EZR: variants seen among roughly 807,000 people sequenced by gnomAD.
EZR encodes the protein ezrin.
In EZR, 40 loss-of-function variants were observed where a neutral mutation model predicts 74.8. The ratio of observed to expected loss-of-function variants is 0.53; its 90% CI spans 0.42 to 0.70. EZR has a LOEUF of 0.70. EZR is among the 30% of genes least tolerant of loss of function. The pLI is 0.00. For missense variants in EZR, 678 were observed against 755.8 expected (o/e 0.90, Z 1.21); for synonymous variants, 341 against 283.3 (o/e 1.20, Z -2.05).
intron 2 of EZR, among the ~76,000 whole-genome samples, chr6:158,799,683 GT>G (rs1319806110): frequency 6.6e-6 from 1 of 152,256 alleles, no homozygotes; most frequent in Non-Finnish European, 1.5e-5. Context: ...GCCAAGCTCT[GT>G]AAAACATTAC....
At chr6:158,768,049 G>A (rs1251331983) in intron 12 of EZR, among the ~76,000 whole-genome samples, 1 of 151,876 alleles carries the variant, frequency 6.6e-6, no homozygotes, top group African/African-American at 2.4e-5. Flanking sequence ...TTGGGATGGT[G>A]ATATGGCTGT....
intron 2 of EZR, among the ~76,000 whole-genome samples, chr6:158,803,581 ACATATATATATATAT>A (rs1777251449): frequency 4.8e-5 from 2 of 41,272 alleles, no homozygotes; most frequent in Non-Finnish European, 7.7e-5. Flanking sequence ...ATATATATAT[ACATATATATATATAT>A]ATATATATAC....
chr6:158,789,701 A>G (rs746958732), intron 2 of EZR, among the ~76,000 whole-genome samples: 10 of 152,324 alleles, frequency 6.6e-5, no homozygotes, highest in Non-Finnish European at 8.8e-5. Context: ...CTCACTAGTC[A>G]TGATCTCCCA....
At chr6:158,775,033 C>CTT (rs1791230805) in intron 8 of EZR, among the ~76,000 whole-genome samples, 1 of 92,914 alleles carries the variant, frequency 1.1e-5, no homozygotes, top group Non-Finnish European at 2.3e-5. Context: ...CAGCAGGAGC[C>CTT]CTTTTTTTTT....
At chr6:158,792,866 T>G (rs1791782019) in intron 2 of EZR, among the ~76,000 whole-genome samples, 1 of 149,224 alleles carries the variant, frequency 6.7e-6, no homozygotes, top group South Asian at 2.1e-4. Context: ...TCAACAAATC[T>G]ACACCTCCTA....
chr6:158,773,050 C>T (rs1301566825), intron 8 of EZR, among the ~76,000 whole-genome samples: 1 of 152,124 alleles, frequency 6.6e-6, no homozygotes, highest in African/African-American at 2.4e-5. Context: ...GAGCTGGGAG[C>T]AATCGGCATT....
chr6:158,816,191 G>A (rs917974336), intron 2 of EZR, among the ~76,000 whole-genome samples: 13 of 152,160 alleles, frequency 8.5e-5, no homozygotes, highest in Admixed American at 7.9e-4. Context: ...GGGAGGGAGA[G>A]TTTAATAGGT....
intron 2 of EZR, among the ~76,000 whole-genome samples, chr6:158,795,881 T>C (rs1291526325): frequency 6.6e-6 from 1 of 152,108 alleles, no homozygotes; most frequent in African/African-American, 2.4e-5. Flanking sequence ...GAGAGCTAGC[T>C]CTGTAATCTG....
chr6:158,771,099 A>G, intron 9 of EZR, 145 bp downstream of exon 9: 4 of 1,345,964 alleles, frequency 3.0e-6, no homozygotes, highest in Non-Finnish European at 4.0e-6. Context: ...CCCAGAGACA[A>G]AGGCCTCGAA....
chr6:158,772,462 G>C (rs1791142142), intron 8 of EZR, among the ~76,000 whole-genome samples: 1 of 152,256 alleles, frequency 6.6e-6, no homozygotes, highest in South Asian at 2.1e-4. Context: ...ACGTTCAGGA[G>C]GTGCTCGGCG....
In EZR at chr6:158,785,419, A is replaced by C. The variant is rs764624159; in HGVS notation, c.357T>G (p.Pro119=). The change falls in exon 5 of 14, where the codon CCT becomes CCG. Residue 119 remains proline (P), a synonymous_variant. Transcript: ENST00000367075. ...AGGACCCCAAGAGCACGGCAGTCTC[A>C]GGGGGGCAGTAGATCTCATCGCTAA... ...GILSDEIYCP[P]ETAVLLGSYA... is the part of the protein sequence containing the mutation. The C allele has an allele frequency of 1.2e-6, 2 of 1,614,048 alleles. No homozygotes were observed. Among genetic ancestry groups the C allele is most frequent in the African/African-American group, 2.7e-5 (2 of 74,924 alleles).
rs78772877 is a variant in EZR, at chr6:158,770,003, C to A, written c.1091-59G>T. On this transcript the variant is annotated intron_variant, in intron 10 of 13. Coordinates refer to ENST00000367075, the MANE Select transcript of EZR (RefSeq NM_001111077.2). The stretch of plus-strand genomic sequence containing the variant: ...CTCAGCCCAGGGACCTAGGAGCCCT[C>A]GCTTTCCATTCCCACCCCCAAAGCC... The A allele has an allele frequency of 6.3e-6, 10 of 1,584,388 alleles. 1 individual carries two copies. The highest frequency in any genetic ancestry group is 2.7e-5 in the African/African-American group (2 of 74,408).
At chr6:158,771,431 T>A in intron 8 of EZR, 24 bp from the exon 9 acceptor site, 2 of 1,561,264 alleles carry the variant, frequency 1.3e-6, no homozygotes, top group Non-Finnish European at 1.7e-6. Context: ...CAGGGCCACC[T>A]GGACTCAAGC....
chr6:158,799,785 A>G (rs1397702273), intron 2 of EZR, among the ~76,000 whole-genome samples: 1 of 152,244 alleles, frequency 6.6e-6, no homozygotes, highest in Non-Finnish European at 1.5e-5. Context: ...CCCGAGAGGC[A>G]AGTGAATTGT....
At chr6:158,774,382 G>A (rs529271476) in intron 8 of EZR, among the ~76,000 whole-genome samples, 130 of 152,200 alleles carry the variant, frequency 8.5e-4, no homozygotes, top group African/African-American at 2.9e-3. Flanking sequence ...AATCACAGCT[G>A]TACTGTTAAA....
chr6:158,802,758 C>T (rs1777215170), intron 2 of EZR, among the ~76,000 whole-genome samples: 1 of 152,168 alleles, frequency 6.6e-6, no homozygotes, highest in Non-Finnish European at 1.5e-5. Context: ...TCTCGATCTC[C>T]TGACCTCGTA....
intron 2 of EZR, among the ~76,000 whole-genome samples, chr6:158,806,322 C>T (rs1478363769): frequency 6.6e-6 from 1 of 152,208 alleles, no homozygotes; most frequent in Admixed American, 6.5e-5. Flanking sequence ...AGTAAAGCAT[C>T]TCTCCCTTTC....
intron 8 of EZR, among the ~76,000 whole-genome samples, chr6:158,773,010 G>A (rs1791164915): frequency 6.6e-6 from 1 of 152,198 alleles, no homozygotes; most frequent in Non-Finnish European, 1.5e-5. Flanking sequence ...TTGCTGTTAA[G>A]TCATTGGGTT....
chr6:158,807,498 C>G (rs77225518), intron 2 of EZR, among the ~76,000 whole-genome samples: 2 of 152,104 alleles, frequency 1.3e-5, no homozygotes, highest in African/African-American at 4.8e-5. Flanking sequence ...GGACTTATCA[C>G]CAAACCCTTG....
Sources: gnomAD v4.1 joint callset for allele counts (sites outside exome capture counted in the v4.1 genomes callset) on GRCh38, gnomAD v4.1.1 for gene constraint, MANE v1.5 for transcripts, NCBI Gene and HGNC (gene_info 2026-07-23, HGNC 2026-07-21) for gene names.